The following DLG2 variants were observed in gnomAD, a reference collection of about 807,000 sequenced individuals.
DLG2 encodes disks large homolog 2.
Under a neutral mutation model 132.5 loss-of-function variants are expected in DLG2, and 45 were observed. The observed-to-expected ratio is 0.34, with a 90% CI of 0.27 to 0.44. DLG2 has a LOEUF of 0.44. DLG2 is among the 20% of genes least tolerant of loss of function. The pLI is 1.00. For synonymous variants in DLG2, 424 were observed against 419.6 expected (o/e 1.01, Z -0.13); for missense variants, 1,045 against 1,196.9 (o/e 0.87, Z 1.87).
At chr11:84,160,599 A>G (rs2095525388) in intron 9 of DLG2, among the ~76,000 whole-genome samples, 2 of 152,184 alleles carry the variant, frequency 1.3e-5, no homozygotes, top group Non-Finnish European at 2.9e-5. Context: ...AGGAAAACAT[A>G]GGGTCAGGGG....
chr11:84,693,547 G>A (rs1397672626), intron 6 of DLG2, among the ~76,000 whole-genome samples: 3 of 151,544 alleles, frequency 2.0e-5, no homozygotes, highest in South Asian at 2.1e-4. Flanking sequence ...GCATATCCAC[G>A]TTCCACATGC....
At chr11:83,627,391 G>T (rs921138814) in intron 19 of DLG2, among the ~76,000 whole-genome samples, 3 of 151,394 alleles carry the variant, frequency 2.0e-5, no homozygotes, top group Non-Finnish European at 2.9e-5. Flanking sequence ...AGTCTCTGGT[G>T]TGTGATGTTC....
intron 15 of DLG2, among the ~76,000 whole-genome samples, chr11:83,907,568 G>A (rs1434562178): frequency 6.6e-6 from 1 of 152,114 alleles, no homozygotes; most frequent in Non-Finnish European, 1.5e-5. Context: ...AGGATGGGAA[G>A]GATAATGACT....
intron 18 of DLG2, among the ~76,000 whole-genome samples, chr11:83,738,291 A>G (rs974623907): frequency 1.3e-5 from 2 of 152,056 alleles, no homozygotes; most frequent in South Asian, 2.1e-4. Context: ...ACATTTACCA[A>G]TTTAGGCTTC....
At chr11:83,594,690 C>T (rs928576627) in intron 19 of DLG2, among the ~76,000 whole-genome samples, 3 of 152,108 alleles carry the variant, frequency 2.0e-5, no homozygotes, top group Non-Finnish European at 4.4e-5. Context: ...AAGGGTAGGA[C>T]TAGAAGAGGT....
chr11:85,607,062 C>T (rs2080616340), intron 2 of DLG2, among the ~76,000 whole-genome samples: 1 of 152,174 alleles, frequency 6.6e-6, no homozygotes. Context: ...TCACCTTTCG[C>T]CAAGCAGTGA....
At chr11:83,953,472 A>G (rs12272484) in intron 14 of DLG2, among the ~76,000 whole-genome samples, 15,326 of 152,234 alleles carry the variant, frequency 0.1, 857 homozygotes, top group Non-Finnish European at 0.12. Context: ...AGGTGGAACC[A>G]TGAAACAGTT....
chr11:84,868,679 G>A lies in DLG2; in HGVS notation c.357+242982C>T, dbSNP rs143348543. On this transcript the variant is annotated intron_variant, in intron 6 of 27. Coordinates refer to ENST00000376104, the MANE Select transcript of DLG2 (RefSeq NM_001142699.3). ...CAGTCTCAGCACAATGATGAGTCGG[G>A]CAGACACAGACCCCCGACATAGACT... Among the ~76,000 whole-genome samples the A allele has an allele frequency of 3.1e-3, 473 of 152,218 alleles. 8 individuals are homozygous for A. The highest frequency in any genetic ancestry group is 9.3e-3 in the East Asian group (48 of 5,170).
intron 18 of DLG2, among the ~76,000 whole-genome samples, chr11:83,698,915 C>T (rs1438196263): frequency 6.6e-6 from 1 of 152,096 alleles, no homozygotes; most frequent in Non-Finnish European, 1.5e-5. Flanking sequence ...TAAATGACAG[C>T]CAAAAATATC....
intron 9 of DLG2, among the ~76,000 whole-genome samples, chr11:84,139,837 C>T (rs2094765007): frequency 6.6e-6 from 1 of 152,058 alleles, no homozygotes; most frequent in Non-Finnish European, 1.5e-5. Flanking sequence ...GTAATTGTTC[C>T]AAATTTAGAG....
intron 3 of DLG2, among the ~76,000 whole-genome samples, chr11:85,425,114 G>T (rs556214109): frequency 6.6e-6 from 1 of 152,196 alleles, no homozygotes; most frequent in Admixed American, 6.5e-5. Flanking sequence ...ATAACAGATT[G>T]TAAATTACAG....
intron 7 of DLG2, among the ~76,000 whole-genome samples, chr11:84,324,051 T>G (rs975958130): frequency 6.6e-6 from 1 of 152,076 alleles, no homozygotes. Context: ...TCTGTAGAAG[T>G]GTTTTAGTCT....
rs1322849234 is a variant in DLG2 at position 84,351,566 on chromosome 11, A to G, written c.520-100275T>C. Among the ~76,000 whole-genome samples the G allele has an allele frequency of 3.3e-5, 5 of 152,362 alleles. No homozygotes were observed. In the South Asian group the frequency reaches 6.2e-4, roughly 19 times the overall value. Reference sequence around the variant, plus strand: ...GGTACATTCTTCATGGGTCTGTGACATATATAACAGCATTTGATTTATTGA... The same window carrying G: ...GGTACATTCTTCATGGGTCTGTGACGTATATAACAGCATTTGATTTATTGA... On this transcript the variant is annotated intron_variant, in intron 7 of 27. Transcript: ENST00000376104.
intron 12 of DLG2, among the ~76,000 whole-genome samples, 195 bp downstream of exon 12, chr11:83,980,311 C>T (rs1421937913): frequency 6.6e-6 from 1 of 152,146 alleles, no homozygotes; most frequent in Non-Finnish European, 1.5e-5. Flanking sequence ...AGGAAGAGAG[C>T]CCTCACCAGA....
At chr11:83,663,874 TC>T (rs2074940961) in intron 18 of DLG2, among the ~76,000 whole-genome samples, 1 of 152,190 alleles carries the variant, frequency 6.6e-6, no homozygotes, top group African/African-American at 2.4e-5. Flanking sequence ...ATCCCTACAT[TC>T]CAAATAAGAT....
chr11:84,095,075 A>G (rs532902045), intron 10 of DLG2, among the ~76,000 whole-genome samples: 2 of 152,252 alleles, frequency 1.3e-5, no homozygotes, highest in African/African-American at 4.8e-5. Flanking sequence ...AAAAAAAAGT[A>G]TGTGAAAAAT....
At chr11:85,290,496 T>C (rs543322729) in intron 3 of DLG2, among the ~76,000 whole-genome samples, 5 of 151,794 alleles carry the variant, frequency 3.3e-5, no homozygotes, top group Non-Finnish European at 5.9e-5. Context: ...AATAGCCCTT[T>C]TGAGTCACTG....
intron 2 of DLG2, among the ~76,000 whole-genome samples, chr11:85,618,063 CT>C (rs751977268): frequency 5.9e-5 from 9 of 152,124 alleles, no homozygotes; most frequent in Admixed American, 3.3e-4. Context: ...CTTGAAATAG[CT>C]TTGAAAACTT....
chr11:85,566,476 A>C (rs1462460640), intron 3 of DLG2, among the ~76,000 whole-genome samples: 1 of 152,144 alleles, frequency 6.6e-6, no homozygotes. Flanking sequence ...CTTAAACAAC[A>C]AACATTTATT....
Sources: gnomAD v4.1 joint callset for allele counts (sites outside exome capture counted in the v4.1 genomes callset) on GRCh38, gnomAD v4.1.1 for gene constraint, MANE v1.5 for transcripts, NCBI Gene and HGNC (gene_info 2026-07-23, HGNC 2026-07-21) for gene names.